ZNF595: variants seen among roughly 807,000 people sequenced by gnomAD.
The protein encoded by ZNF595 is zinc finger protein 595.
Under a neutral mutation model 19.4 loss-of-function variants are expected in ZNF595, and 9 were observed. The ratio of observed to expected loss-of-function variants is 0.46; its 90% CI spans 0.28 to 0.81. ZNF595 has a LOEUF of 0.81. Ranked by LOEUF, ZNF595 falls within the 30% of genes least tolerant of loss-of-function variation. The pLI is 0.11. For synonymous variants in ZNF595, 255 were observed against 255.9 expected, an observed-to-expected ratio of 1.00 and a Z score of 0.03; for missense variants, 729 against 736.0, an observed-to-expected ratio of 0.99 and a Z score of 0.11.
rs564287435 is a variant in ZNF595, at chr4:70,851, C to G, written c.226+10698C>G. The stretch of plus-strand genomic sequence containing the variant: ...TCTGAGTCTTTTGTGGTTCTGTCTA[C>G]ATTGTAGAATTGTTTTTCGTATTTC... On this transcript the variant is annotated intron_variant, in intron 3 of 3. Coordinates refer to ENST00000610261, the MANE Select transcript of ZNF595 (RefSeq NM_182524.4). 6.6e-5 allele frequency among the ~76,000 whole-genome samples: 10 copies of G among 152,270 alleles called. No homozygotes were observed. In the South Asian group the frequency reaches 1.7e-3, roughly 25 times the overall value.
chr4:84,622 G>T (rs530647720), intron 3 of ZNF595, among the ~76,000 whole-genome samples: 2 of 152,232 alleles, frequency 1.3e-5, no homozygotes, highest in South Asian at 4.1e-4. Context: ...CAACTCCTAA[G>T]ATTCTCTGTC....
At chr4:76,997 A>T (rs1316977146) in intron 3 of ZNF595, among the ~76,000 whole-genome samples, 3 of 152,172 alleles carry the variant, frequency 2.0e-5, no homozygotes, top group African/African-American at 7.2e-5. Context: ...TCCTTCTAAG[A>T]TTGAGAAAAA....
chr4:69,561 C>T (rs926757810), intron 3 of ZNF595, among the ~76,000 whole-genome samples: 6 of 152,062 alleles, frequency 3.9e-5, no homozygotes, highest in Non-Finnish European at 7.4e-5. Context: ...TGTCTATAAA[C>T]GTTCTTTGCA....
At chr4:66,358 A>G (rs1245811222) in intron 3 of ZNF595, among the ~76,000 whole-genome samples, 2 of 145,886 alleles carry the variant, frequency 1.4e-5, no homozygotes, top group Non-Finnish European at 3.0e-5. Context: ...GTTGTTCTGG[A>G]TGTTATCTTC....
At chr4:75,953 A>G (rs1400312820) in intron 3 of ZNF595, among the ~76,000 whole-genome samples, 3 of 152,116 alleles carry the variant, frequency 2.0e-5, no homozygotes, top group African/African-American at 7.2e-5. Flanking sequence ...GCAATGGTGC[A>G]TTCACAGCTC....
chr4:80,675 G>T (rs1259698011), intron 3 of ZNF595, among the ~76,000 whole-genome samples: 1 of 152,104 alleles, frequency 6.6e-6, no homozygotes, highest in Non-Finnish European at 1.5e-5. Flanking sequence ...GGGTCACAAG[G>T]TGCTCAGTTG....
At chr4:61,011 C>T (rs1231581968) in intron 3 of ZNF595, among the ~76,000 whole-genome samples, 5 of 151,874 alleles carry the variant, frequency 3.3e-5, no homozygotes, top group Non-Finnish European at 7.4e-5. Context: ...TAATGATAGC[C>T]GATGAGCTAA....
At chr4:72,167 A>G (rs193197056) in intron 3 of ZNF595, among the ~76,000 whole-genome samples, 1 of 152,226 alleles carries the variant, frequency 6.6e-6, no homozygotes, top group Non-Finnish European at 1.5e-5. Flanking sequence ...GTAGAGCTTG[A>G]AAAATAGAAA....
chr4:71,235 G>GT (rs556802168), intron 3 of ZNF595, among the ~76,000 whole-genome samples: 2 of 151,932 alleles, frequency 1.3e-5, no homozygotes, highest in Admixed American at 1.3e-4. Context: ...AGTTAATTAG[G>GT]TTTTTTTCAA....
chr4:86,190 C>T lies in ZNF595; in HGVS notation c.686C>T (p.Thr229Ile). Residue 229 changes from threonine to isoleucine, a missense_variant, in exon 4 of 4, where the codon ACA becomes ATA. This residue lies in a region of ZNF595 where 729 missense variants were observed against 675.3 expected (regional missense o/e 1.08). Coordinates refer to ENST00000610261, the MANE Select transcript of ZNF595 (RefSeq NM_182524.4). ...KRIHTGEKPY[T>I]CEECGKAFRR... ...ATTCATACTGGAGAGAAACCCTACACATGTGAAGAATGTGGCAAAGCCTTT... is the reference window on the plus strand; with the variant it reads ...ATTCATACTGGAGAGAAACCCTACATATGTGAAGAATGTGGCAAAGCCTTT... 1.2e-6 allele frequency: 2 copies of T among 1,611,934 alleles called. No individual in the cohort carries two copies. Among genetic ancestry groups the T allele is most frequent in the East Asian group, 4.5e-5 (2 of 44,750 alleles).
At chr4:78,160 G>A (rs977488226) in intron 3 of ZNF595, among the ~76,000 whole-genome samples, 2 of 151,966 alleles carry the variant, frequency 1.3e-5, no homozygotes, top group Non-Finnish European at 2.9e-5. Context: ...AGGCGTCCGC[G>A]GCCACGTCCG....
In ZNF595 at chr4:85,825, A is replaced by T. The variant is rs1553801011; in HGVS notation, c.321A>T (p.Gly107=). The change falls in exon 4 of 4, where the codon GGA becomes GGT. Residue 107 remains glycine (G), a synonymous_variant. Transcript: ENST00000610261. ...TACTGAAAAGATACGAGAAATGTGG[A>T]CATGAGAATTTACAATTAAGAAAAG... ...KLILKRYEKC[G]HENLQLRKGC... is the part of the protein sequence containing the mutation. 6.2e-7 allele frequency: 1 copy of T among 1,614,038 alleles called. No homozygotes were observed. Among genetic ancestry groups the T allele is most frequent in the South Asian group, 1.1e-5 (1 of 91,070 alleles).
chr4:83,785 TATTA>T (rs1225219848), intron 3 of ZNF595, among the ~76,000 whole-genome samples: 2 of 152,072 alleles, frequency 1.3e-5, no homozygotes, highest in African/African-American at 2.4e-5. Context: ...CATGTTATTT[TATTA>T]ATTGTTTTAC....
rs73217970 is a variant in ZNF595, at chr4:78,994, A to G, written c.227-6737A>G. Among the ~76,000 whole-genome samples the G allele has an allele frequency of 3.3e-3, 507 of 152,344 alleles. 2 individuals are homozygous for G. The highest frequency in any genetic ancestry group is 6.0e-3 in the Non-Finnish European group (411 of 68,024). On this transcript the variant is annotated intron_variant, in intron 3 of 3. Transcript: ENST00000610261. The stretch of plus-strand genomic sequence containing the variant: ...AGGCATGGGCCACCACCCCCGGCCA[A>G]CATTTTCAAGTATACGGTCCAGTGG...
intron 3 of ZNF595, among the ~76,000 whole-genome samples, chr4:82,150 T>C (rs1553800031): frequency 6.6e-6 from 1 of 152,144 alleles, no homozygotes; most frequent in Non-Finnish European, 1.5e-5. Flanking sequence ...GTTTCTCTTT[T>C]TGAAGATTGT....
chr4:76,051 C>T (rs915417491), intron 3 of ZNF595, among the ~76,000 whole-genome samples: 12 of 151,908 alleles, frequency 7.9e-5, no homozygotes, highest in East Asian at 1.9e-4. Flanking sequence ...CCACCATGTC[C>T]GGCTAATTTT....
intron 3 of ZNF595, among the ~76,000 whole-genome samples, chr4:74,762 G>C (rs1553798420): frequency 6.6e-6 from 1 of 152,146 alleles, no homozygotes; most frequent in Non-Finnish European, 1.5e-5. Context: ...TTGAGTTTCT[G>C]ATTAGCCTCT....
chr4:78,505 G>A (rs1371475365), intron 3 of ZNF595, among the ~76,000 whole-genome samples: 2 of 152,046 alleles, frequency 1.3e-5, no homozygotes, highest in Admixed American at 6.6e-5. Context: ...TACTTTGTTC[G>A]TAAATTATTT....
rs542243135 is a variant in ZNF595 at position 78,198 on chromosome 4, T to C, written c.227-7533T>C. Among the ~76,000 whole-genome samples the C allele has an allele frequency of 7.9e-5, 12 of 152,228 alleles. 1 individual carries two copies. The South Asian group carries it at 2.5e-3, about 32-fold the overall frequency. The stretch of plus-strand genomic sequence containing the variant: ...TAATTTTTTGTATGTTTAGTAGAGA[T>C]GGGGTTTCACCGTGTTAGCCAGGAT... On this transcript the variant is annotated intron_variant, in intron 3 of 3. Transcript: ENST00000610261.
Sources: allele counts gnomAD v4.1 joint callset (sites outside exome capture counted in the v4.1 genomes callset), GRCh38; gene constraint gnomAD v4.1.1; regional missense constraint gnomAD v4.1.1; transcripts MANE v1.5; gene names NCBI Gene and HGNC (gene_info 2026-07-23, HGNC 2026-07-21).